The following QTMAN variants were observed in gnomAD, a reference collection of about 807,000 sequenced individuals.
QTMAN encodes the protein queuosine-tRNA mannosyltransferase, also known as tRNA-queuosine alpha-mannosyltransferase.
chr2:143,951,314 G>A, the QTMAN span, among the ~76,000 whole-genome samples: 1 of 151,386 alleles, frequency 6.6e-6, no homozygotes, highest in African/African-American at 2.4e-5. Flanking sequence ...CTTTTAGTAG[G>A]GCCTCTTTGT....
chr2:144,239,019 T>C, the QTMAN span, among the ~76,000 whole-genome samples: 1 of 152,030 alleles, frequency 6.6e-6, no homozygotes, highest in East Asian at 1.9e-4. Context: ...TCATCACCCA[T>C]GCCCTCTGCA....
At chr2:143,996,691 A>C in the QTMAN span, among the ~76,000 whole-genome samples, 1,240 of 152,236 alleles carry the variant, frequency 8.1e-3, 14 homozygotes, top group African/African-American at 0.028. Flanking sequence ...AAGTGGCAAT[A>C]TATATGATAC....
At chr2:144,283,072 G>A in the QTMAN span, among the ~76,000 whole-genome samples, 4 of 152,142 alleles carry the variant, frequency 2.6e-5, no homozygotes, top group African/African-American at 9.7e-5. Context: ...CCGTTCATTT[G>A]TATCCTTTAT....
At chr2:143,996,143 G>A in the QTMAN span, among the ~76,000 whole-genome samples, 1 of 152,168 alleles carries the variant, frequency 6.6e-6, no homozygotes, top group Non-Finnish European at 1.5e-5. Context: ...GTACTAGGCA[G>A]GTGGGGAGAT....
At chr2:144,158,385 A>T in the QTMAN span, among the ~76,000 whole-genome samples, 7 of 151,986 alleles carry the variant, frequency 4.6e-5, no homozygotes, top group African/African-American at 1.7e-4. Context: ...ATAATTCAGT[A>T]TCGTCAACAC....
At chr2:144,198,119 C>T in the QTMAN span, among the ~76,000 whole-genome samples, 11 of 151,686 alleles carry the variant, frequency 7.3e-5, no homozygotes, top group Non-Finnish European at 1.2e-4. Flanking sequence ...CTAGCTAGTA[C>T]GGGAGGCTGA....
the QTMAN span, among the ~76,000 whole-genome samples, chr2:144,077,537 T>A: frequency 1.3e-5 from 2 of 152,256 alleles, no homozygotes; most frequent in African/African-American, 4.8e-5. Flanking sequence ...TCTATTATTT[T>A]GATATTATAT....
chr2:144,069,740 G>A, the QTMAN span, among the ~76,000 whole-genome samples: 1 of 151,850 alleles, frequency 6.6e-6, no homozygotes, highest in African/African-American at 2.4e-5. Context: ...TCTTTCCAAC[G>A]TTAAACATTT....
chr2:144,179,034 T>C, the QTMAN span: 1 of 455,674 alleles, frequency 2.2e-6, no homozygotes, highest in Non-Finnish European at 4.5e-6. Context: ...TTATTACGGC[T>C]AGCATTTTGA....
chr2:143,984,657 A>G, the QTMAN span, among the ~76,000 whole-genome samples: 1 of 152,276 alleles, frequency 6.6e-6, no homozygotes, highest in East Asian at 1.9e-4. Flanking sequence ...CCTGCTCCCT[A>G]TCCTGTGCCC....
the QTMAN span, among the ~76,000 whole-genome samples, chr2:144,227,023 C>T: frequency 3.3e-5 from 5 of 152,034 alleles, no homozygotes; most frequent in African/African-American, 7.2e-5. Flanking sequence ...TAATTGTTTG[C>T]TTGTGTATTA....
At chr2:144,126,248 C>G in the QTMAN span, among the ~76,000 whole-genome samples, 1 of 151,782 alleles carries the variant, frequency 6.6e-6, no homozygotes, top group African/African-American at 2.4e-5. Flanking sequence ...GTCAGTGGCT[C>G]TCAACCTTGG....
chr2:144,200,741 C>T, the QTMAN span, among the ~76,000 whole-genome samples: 1 of 152,044 alleles, frequency 6.6e-6, no homozygotes, highest in East Asian at 1.9e-4. Flanking sequence ...AAAATGGCAG[C>T]TTTCATAGTC....
chr2:144,068,407 T>C, the QTMAN span, among the ~76,000 whole-genome samples: 1 of 152,226 alleles, frequency 6.6e-6, no homozygotes, highest in Non-Finnish European at 1.5e-5. Context: ...AAAGGCCACT[T>C]TCTGAATGTA....
the QTMAN span, among the ~76,000 whole-genome samples, chr2:144,065,069 G>A: frequency 6.6e-6 from 1 of 152,190 alleles, no homozygotes; most frequent in Non-Finnish European, 1.5e-5. Flanking sequence ...TAAGGCCAAA[G>A]CTGGGAGCTT....
chr2:144,215,273 TACAC>T, the QTMAN span, among the ~76,000 whole-genome samples: 85 of 143,866 alleles, frequency 5.9e-4, no homozygotes, highest in South Asian at 1.5e-3. Flanking sequence ...TATATATATA[TACAC>T]ACACACACAC....
At chr2:144,109,758 G>C in the QTMAN span, among the ~76,000 whole-genome samples, 1 of 151,568 alleles carries the variant, frequency 6.6e-6, no homozygotes, top group Non-Finnish European at 1.5e-5. Context: ...CTCAAAAGAA[G>C]ACATTTATGC....
At chr2:144,316,450 G>A in the QTMAN span, among the ~76,000 whole-genome samples, 1 of 152,098 alleles carries the variant, frequency 6.6e-6, no homozygotes. Flanking sequence ...ATGACTGCTT[G>A]AACCAGTCCT....
At chr2:144,092,103 A>T in the QTMAN span, among the ~76,000 whole-genome samples, 1 of 152,046 alleles carries the variant, frequency 6.6e-6, no homozygotes, top group Non-Finnish European at 1.5e-5. Context: ...AGAGTGATGG[A>T]TATGTTCATT....
Sources: gnomAD v4.1 joint callset for allele counts (sites outside exome capture counted in the v4.1 genomes callset) on GRCh38, gnomAD v4.1.1 for gene constraint, MANE v1.5 for transcripts, NCBI Gene and HGNC (gene_info 2026-07-23, HGNC 2026-07-21) for gene names.